Variants in EIF4G3 observed in about 807,000 individuals in gnomAD.
EIF4G3 encodes eukaryotic translation initiation factor 4 gamma 3.
Under a neutral mutation model 186.4 loss-of-function variants are expected in EIF4G3, and 34 were observed. The observed-to-expected ratio is 0.18, with a 90% CI of 0.14 to 0.24. The LOEUF is 0.24. Among genes scored for constraint, EIF4G3 ranks in the 10% least tolerant of loss-of-function variants. The pLI, the probability that EIF4G3 is intolerant of heterozygous loss-of-function variation, is 1.00. For synonymous variants in EIF4G3, 673 were observed against 679.5 expected, an observed-to-expected ratio of 0.99 and a Z score of 0.15; for missense variants, 1,536 against 1,948.5, an observed-to-expected ratio of 0.79 and a Z score of 3.99.
intron 2 of EIF4G3, among the ~76,000 whole-genome samples, chr1:21,117,874 T>G (rs1326366329): frequency 6.6e-6 from 1 of 151,856 alleles, no homozygotes; most frequent in Non-Finnish European, 1.5e-5. Flanking sequence ...TTTCCAAGCA[T>G]GCAGCTACTA....
intron 3 of EIF4G3, among the ~76,000 whole-genome samples, chr1:21,064,019 T>C (rs906976345): frequency 3.9e-5 from 6 of 151,974 alleles, no homozygotes; most frequent in Non-Finnish European, 8.8e-5. Context: ...TGAGCCACCA[T>C]GCCCAGCCTC....
chr1:20,862,200 G>C (rs528471530), intron 23 of EIF4G3, 28 bp downstream of exon 23: 25 of 1,333,232 alleles, frequency 1.9e-5, no homozygotes, highest in Non-Finnish European at 2.5e-5. Flanking sequence ...GGACCAGCAG[G>C]CTTATTATTA....
chr1:21,005,870 T>C (rs1371316300), intron 4 of EIF4G3, among the ~76,000 whole-genome samples: 1 of 152,216 alleles, frequency 6.6e-6, no homozygotes, highest in African/African-American at 2.4e-5. Context: ...AATCTAGTAC[T>C]TCTTTTTATA....
At chr1:21,040,382 A>G (rs2093495551) in intron 4 of EIF4G3, among the ~76,000 whole-genome samples, 1 of 152,206 alleles carries the variant, frequency 6.6e-6, no homozygotes, top group African/African-American at 2.4e-5. Flanking sequence ...TACCATAGGC[A>G]TCTCTTCAAC....
intron 2 of EIF4G3, among the ~76,000 whole-genome samples, chr1:21,163,490 T>G (rs1266311368): frequency 6.6e-5 from 10 of 152,194 alleles, no homozygotes; most frequent in Admixed American, 6.5e-4. Flanking sequence ...CCACTTCCTT[T>G]GAATATTGAG....
At chr1:21,139,061 T>A (rs1279921993) in intron 2 of EIF4G3, among the ~76,000 whole-genome samples, 1 of 152,098 alleles carries the variant, frequency 6.6e-6, no homozygotes, top group African/African-American at 2.4e-5. Flanking sequence ...AGTTTCTAAC[T>A]TTGACCAATT....
In EIF4G3 at chr1:20,810,960, C is replaced by A; in HGVS notation, c.4598-76G>T. 2.0e-6 allele frequency: 3 copies of A among 1,464,112 alleles called. No individual in the cohort carries two copies. Among genetic ancestry groups the A allele is most frequent in the Non-Finnish European group, 2.8e-6 (3 of 1,082,686 alleles). 90.7% of individuals were successfully genotyped at this position (1,464,112 alleles called of 1,614,324 possible). A position where few individuals can be genotyped will look rare whatever the true frequency, so the allele number is the denominator to read the frequency against. ...TTATCTTTAATTTTCTTTCTTTTTT[C>A]TTTTTTTGAGACAGAGCCTCACTCT... On this transcript the variant is annotated intron_variant, in intron 35 of 36. Coordinates refer to ENST00000602326, the MANE Select transcript of EIF4G3 (RefSeq NM_001391906.1). The surrounding 1 kb of genome is among the most constrained non-coding windows in gnomAD (Gnocchi z 4.1).
Position 20,857,419 on chromosome 1 carries a change from A to T in EIF4G3, c.3323T>A (p.Phe1108Tyr). Residue 1108 changes from phenylalanine to tyrosine, a missense_variant, in exon 25 of 37, where the codon TTC (phenylalanine) becomes TAC (tyrosine). Phe to Tyr is a conservative substitution (Grantham distance 22, BLOSUM62 3). Transcript: ENST00000602326. ...KNSRVLDPSK[F>Y]LKITKPTIDE... ...CAGACTCACCTTAGTGATTTTTAGG[A>T]ATTTTGAGGGGTCCAGTACCCGACT... 6.2e-7 allele frequency: 1 copy of T among 1,613,888 alleles called. No homozygotes were observed. The highest frequency in any genetic ancestry group is 8.5e-7 in the Non-Finnish European group (1 of 1,179,964).
At chr1:21,018,390 G>A (rs1303185651) in intron 4 of EIF4G3, among the ~76,000 whole-genome samples, 1 of 151,928 alleles carries the variant, frequency 6.6e-6, no homozygotes, top group African/African-American at 2.4e-5. Context: ...GACCAGCCTG[G>A]CCAACACAGT....
chr1:20,867,319 C>G (rs911112793), intron 20 of EIF4G3, among the ~76,000 whole-genome samples: 1 of 152,180 alleles, frequency 6.6e-6, no homozygotes, highest in African/African-American at 2.4e-5. Flanking sequence ...GCTCTTTAAT[C>G]TACTATGTAA....
At chr1:20,980,816 G>C (rs1472539995) in intron 9 of EIF4G3, among the ~76,000 whole-genome samples, 1 of 152,162 alleles carries the variant, frequency 6.6e-6, no homozygotes, top group Non-Finnish European at 1.5e-5. Flanking sequence ...ATGGGAGAAA[G>C]CAAGTAGATA....
At chr1:21,150,409 T>G (rs1042775126) in intron 2 of EIF4G3, among the ~76,000 whole-genome samples, 1 of 152,188 alleles carries the variant, frequency 6.6e-6, no homozygotes, top group Non-Finnish European at 1.5e-5. Context: ...CATGGCGTCA[T>G]GAAAAATTTG....
chr1:21,130,534 C>T (rs916288810), intron 2 of EIF4G3, among the ~76,000 whole-genome samples: 4 of 151,876 alleles, frequency 2.6e-5, no homozygotes, highest in African/African-American at 7.3e-5. Context: ...TAACTAAGCA[C>T]CCAATATCTC....
At chr1:20,972,788 T>C (rs1053284167) in intron 11 of EIF4G3, among the ~76,000 whole-genome samples, 1 of 152,048 alleles carries the variant, frequency 6.6e-6, no homozygotes, top group South Asian at 2.1e-4. Context: ...GCTCAGTGAA[T>C]AATTAAAGAT....
intron 11 of EIF4G3, among the ~76,000 whole-genome samples, chr1:20,971,830 C>T (rs1441437318): frequency 1.3e-5 from 2 of 152,202 alleles, no homozygotes; most frequent in Admixed American, 6.5e-5. Flanking sequence ...GATGGGTTTT[C>T]GCCATGTTGG....
At chr1:20,982,640 G>A (rs1011199630) in intron 7 of EIF4G3, among the ~76,000 whole-genome samples, 15 of 152,102 alleles carry the variant, frequency 9.9e-5, no homozygotes, top group African/African-American at 3.6e-4. Context: ...AAATCCAGTG[G>A]CAAAAATCCT....
At chr1:20,980,289 T>C in intron 10 of EIF4G3, 45 bp downstream of exon 10, 1 of 1,400,258 alleles carries the variant, frequency 7.1e-7, no homozygotes, top group Non-Finnish European at 9.6e-7. Flanking sequence ...CAAAATTAAA[T>C]AAACACAAAA....
At chr1:20,895,801 T>C (rs1199583461) in intron 16 of EIF4G3, among the ~76,000 whole-genome samples, 1 of 152,238 alleles carries the variant, frequency 6.6e-6, no homozygotes, top group African/African-American at 2.4e-5. Context: ...TAATATTTCA[T>C]AGTAACAAGA....
intron 36 of EIF4G3, 129 bp from the exon 37 acceptor site, chr1:20,807,629 T>C (rs755435381): frequency 1.3e-6 from 1 of 741,616 alleles, no homozygotes; most frequent in Non-Finnish European, 2.0e-6. Flanking sequence ...ATAATGACAA[T>C]TCACCATACT....
Sources: allele counts gnomAD v4.1 joint callset (sites outside exome capture counted in the v4.1 genomes callset), GRCh38; gene constraint gnomAD v4.1.1; non-coding constraint Gnocchi (gnomAD v3.1); transcripts MANE v1.5; gene names NCBI Gene and HGNC (gene_info 2026-07-23, HGNC 2026-07-21).